Variants in OSCP1 observed in about 807,000 individuals in gnomAD.
The protein encoded by OSCP1 is organic solute carrier partner 1.
Under a neutral mutation model 45.1 loss-of-function variants are expected in OSCP1, and 35 were observed. The observed-to-expected ratio is 0.78, with a 90% CI of 0.59 to 1.03. The LOEUF (loss-of-function observed/expected upper bound fraction) is 1.03, where lower values mean the gene tolerates loss of function less well. Ranked by LOEUF, OSCP1 falls within the 50% of genes least tolerant of loss-of-function variation. The pLI, the probability that OSCP1 is intolerant of heterozygous loss-of-function variation, is 0.00. For missense variants in OSCP1, 400 were observed against 470.7 expected, an observed-to-expected ratio of 0.85 and a Z score of 1.39; for synonymous variants, 179 against 180.1, an observed-to-expected ratio of 0.99 and a Z score of 0.05.
chr1:36,429,912 G>A (rs1228065732), intron 4 of OSCP1, among the ~76,000 whole-genome samples: 2 of 150,362 alleles, frequency 1.3e-5, no homozygotes, highest in Non-Finnish European at 2.9e-5. Flanking sequence ...TCAGGTTCAC[G>A]CGATTCTCCT....
chr1:36,445,145 T>C (rs1649438682), intron 1 of OSCP1, among the ~76,000 whole-genome samples: 2 of 151,900 alleles, frequency 1.3e-5, no homozygotes, highest in Admixed American at 6.6e-5. Flanking sequence ...AGGTCAGGAG[T>C]TCGAGACCAG....
Position 36,447,414 on chromosome 1 carries a change from T to C in OSCP1, c.112+2844A>G, listed in dbSNP as rs1649613494. Among the ~76,000 whole-genome samples the C allele has an allele frequency of 6.6e-6, 1 of 152,218 alleles. No individual in the cohort carries two copies. The highest frequency in any genetic ancestry group is 1.5e-5 in the Non-Finnish European group (1 of 68,034). On this transcript the variant is annotated intron_variant, in intron 1 of 9. Coordinates refer to ENST00000235532, the MANE Select transcript of OSCP1 (RefSeq NM_145047.5). This position sits in a 1 kb window ranked among gnomAD's most constrained non-coding sequence, Gnocchi z 4.1. ...ACCAACCCCCACTAAGATTCTGATA[T>C]AGTCCCCAAGGTATGGCAGCAGAGT...
At position 36,438,769 on chromosome 1, in the gene OSCP1, G is replaced by T; in HGVS notation, c.254C>A (p.Ala85Asp). The change falls in exon 2 of 10, where the codon GCC becomes GAC. Residue 85 changes from alanine (A) to aspartate (D), a missense_variant. By Grantham distance (126) the Ala-to-Asp change is moderately radical. Coordinates refer to ENST00000235532, the MANE Select transcript of OSCP1 (RefSeq NM_145047.5). ...CTGTCTGCTCACCTTATCCATGCTGGCCTGGTTCAGTTTCATAATGGAGGC... is the reference window on the plus strand; with the variant it reads ...CTGTCTGCTCACCTTATCCATGCTGTCCTGGTTCAGTTTCATAATGGAGGC... The part of the protein sequence containing the change: ...AHASIMKLNQ[A>D]SMDKLYDLMT... The T allele has an allele frequency of 6.2e-7, 1 of 1,611,404 alleles. No homozygotes were observed. Among genetic ancestry groups the T allele is most frequent in the Non-Finnish European group, 8.5e-7 (1 of 1,178,916 alleles).
At position 36,422,874 on chromosome 1, in the gene OSCP1, C is replaced by G. The variant is rs781084723; in HGVS notation, c.643G>C (p.Glu215Gln). The stretch of plus-strand genomic sequence containing the variant: ...TGCTTGAATTCTATCCTCTTCACTT[C>G]TTCACCTTTGTTGTTGAACATTCTA... Reference protein sequence around the residue: ...LIRMFNNKGEEVKRIEFKHGG... With the variant: ...LIRMFNNKGEQVKRIEFKHGG... Residue 215 changes from glutamate (E) to glutamine (Q), a missense_variant, in exon 6 of 10, where the codon GAA becomes CAA. Coordinates refer to ENST00000235532, the MANE Select transcript of OSCP1 (RefSeq NM_145047.5). The G allele has an allele frequency of 6.2e-7, 1 of 1,606,696 alleles. No homozygotes were observed. Among genetic ancestry groups the G allele is most frequent in the Non-Finnish European group, 8.5e-7 (1 of 1,176,152 alleles).
At chr1:36,442,442 C>T (rs1041131870) in intron 1 of OSCP1, among the ~76,000 whole-genome samples, 5 of 152,106 alleles carry the variant, frequency 3.3e-5, no homozygotes, top group Admixed American at 2.0e-4. Context: ...ACACTTCATA[C>T]CTGAAATTCT....
chr1:36,422,622 C>CCTCT (rs1647721648), intron 6 of OSCP1, 146 bp downstream of exon 6: 3 of 779,576 alleles, frequency 3.8e-6, no homozygotes, highest in Non-Finnish European at 5.9e-6. Context: ...AAATGTCAGG[C>CCTCT]CTCTGTATGC....
At chr1:36,422,325 A>ACCTTTCTGGATGCTATT in intron 6 of OSCP1, 106 bp from the exon 7 acceptor site, 1 of 1,051,242 alleles carries the variant, frequency 9.5e-7, no homozygotes, top group African/African-American at 1.6e-5. Context: ...ATTAAATAGC[A>ACCTTTCTGGATGCTATT]TCCAGAAAGG....
chr1:36,432,741 G>A (rs905239073), intron 2 of OSCP1, 152 bp from the exon 3 acceptor site: 98 of 839,038 alleles, frequency 1.2e-4, no homozygotes, highest in Middle Eastern at 6.8e-4. Flanking sequence ...CCCAAACCAA[G>A]ACACTTCTGA....
chr1:36,448,481 G>A (rs931421123), intron 1 of OSCP1, among the ~76,000 whole-genome samples: 1 of 152,188 alleles, frequency 6.6e-6, no homozygotes, highest in African/African-American at 2.4e-5. Context: ...GTAGGTGCTG[G>A]AGTACAAAGA....
chr1:36,447,557 A>G lies in OSCP1; in HGVS notation c.112+2701T>C, dbSNP rs959793929. Among the ~76,000 whole-genome samples the G allele has an allele frequency of 6.6e-6, 1 of 152,158 alleles. No individual in the cohort carries two copies. The highest frequency in any genetic ancestry group is 2.4e-5 in the African/African-American group (1 of 41,424). On this transcript the variant is annotated intron_variant, in intron 1 of 9. Transcript: ENST00000235532. This position sits in a 1 kb window ranked among gnomAD's most constrained non-coding sequence, Gnocchi z 4.1. ...GTAAGGGGACATTGGCTGAGTATGA[A>G]CTTTGGAGCCTGATGCCTTGGGCTC...
At chr1:36,441,489 C>G (rs2123997917) in intron 1 of OSCP1, among the ~76,000 whole-genome samples, 1 of 152,112 alleles carries the variant, frequency 6.6e-6, no homozygotes, top group African/African-American at 2.4e-5. Context: ...TGGCTCACGC[C>G]TGTAATCCCA....
At position 36,418,048 on chromosome 1, in the gene OSCP1, C is replaced by T. The variant is rs899925354; in HGVS notation, c.*91G>A. On this transcript the variant is annotated 3_prime_UTR_variant, in exon 10 of 10. Coordinates refer to ENST00000235532, the MANE Select transcript of OSCP1 (RefSeq NM_145047.5). ...CGTAATGGCTTCACTCAGTAGAAAA[C>T]TAGCAGCATCATTCTGGGCCATGGG... The T allele has an allele frequency of 1.0e-6, 1 of 974,550 alleles. No individual in the cohort carries two copies. The highest frequency in any genetic ancestry group is 1.6e-5 in the African/African-American group (1 of 61,390). The allele number at this position is 974,550 out of a possible 1,614,324, so 60.4% of individuals were successfully genotyped here. A position where few individuals can be genotyped will look rare whatever the true frequency, so the allele number is the denominator to read the frequency against.
At chr1:36,439,673 T>G (rs749360156) in intron 1 of OSCP1, among the ~76,000 whole-genome samples, 1 of 152,220 alleles carries the variant, frequency 6.6e-6, no homozygotes, top group Non-Finnish European at 1.5e-5. Flanking sequence ...ATTAAAACAC[T>G]TGTAATGTTG....
intron 4 of OSCP1, among the ~76,000 whole-genome samples, chr1:36,427,511 G>A (rs1311125012): frequency 1.3e-5 from 2 of 151,230 alleles, no homozygotes; most frequent in Admixed American, 1.3e-4. Flanking sequence ...TAGAGACGGG[G>A]TTTCACCATG....
At chr1:36,439,069 C>A in intron 1 of OSCP1, 159 bp from the exon 2 acceptor site, 1 of 648,188 alleles carries the variant, frequency 1.5e-6, no homozygotes, top group Non-Finnish European at 2.4e-6. Flanking sequence ...ACACAGGTGT[C>A]CCGGTAGAAA....
chr1:36,420,387 T>C (rs1246990934), intron 8 of OSCP1, 89 bp downstream of exon 8: 40 of 1,414,796 alleles, frequency 2.8e-5, no homozygotes, highest in Non-Finnish European at 3.7e-5. Context: ...CAAATATTTA[T>C]AAGTGCCACT....
intron 2 of OSCP1, among the ~76,000 whole-genome samples, chr1:36,437,258 A>T (rs1479880700): frequency 6.6e-6 from 1 of 151,334 alleles, no homozygotes; most frequent in Admixed American, 6.6e-5. Context: ...TCTGCCATTT[A>T]TTTATGTGGA....
chr1:36,417,978 C>G lies in OSCP1; in HGVS notation c.*161G>C. 3 of 582,610 alleles carry G rather than the reference C, an allele frequency of 5.1e-6. No individual in the cohort carries two copies. The highest frequency in any genetic ancestry group is 9.1e-6 in the Non-Finnish European group (3 of 330,196). The allele number at this position is 582,610 out of a possible 1,614,324, so 36.1% of individuals were successfully genotyped here. A position where few individuals can be genotyped will look rare whatever the true frequency, so the allele number is the denominator to read the frequency against. ...TGTGCCTTCAAGAGTGAGTGCTCCTCAAGGGAGACTCACACAGTTCCTTAC... is the reference window on the plus strand; with the variant it reads ...TGTGCCTTCAAGAGTGAGTGCTCCTGAAGGGAGACTCACACAGTTCCTTAC... On this transcript the variant is annotated 3_prime_UTR_variant, in exon 10 of 10. Coordinates refer to ENST00000235532, the MANE Select transcript of OSCP1 (RefSeq NM_145047.5).
At chr1:36,449,634 G>A (rs1435336295) in intron 1 of OSCP1, among the ~76,000 whole-genome samples, 2 of 151,574 alleles carry the variant, frequency 1.3e-5, no homozygotes, top group Admixed American at 6.6e-5. Context: ...TCCAGGAATT[G>A]AAGACCAGCC....
Sources: allele counts gnomAD v4.1 joint callset (sites outside exome capture counted in the v4.1 genomes callset), GRCh38; gene constraint gnomAD v4.1.1; non-coding constraint Gnocchi (gnomAD v3.1); transcripts MANE v1.5; gene names NCBI Gene and HGNC (gene_info 2026-07-23, HGNC 2026-07-21).